SRGAP1: variants seen among roughly 807,000 people sequenced by gnomAD.
SRGAP1 encodes the protein SLIT-ROBO Rho GTPase-activating protein 1.
SRGAP1 carries 43 observed loss-of-function variants against 121.9 expected under a neutral mutation model. The observed-to-expected ratio is 0.35, with a 90% CI of 0.28 to 0.46. The LOEUF (loss-of-function observed/expected upper bound fraction) is 0.46. SRGAP1 is among the 20% of genes least tolerant of loss of function. The probability of loss-of-function intolerance (pLI) is 1.00; values close to 1 mark genes in which losing one functional copy is unlikely to be tolerated. For missense variants in SRGAP1, 1,102 were observed against 1,350.9 expected (o/e 0.82, Z 2.89); for synonymous variants, 447 against 485.4 (o/e 0.92, Z 1.04).
intron 18 of SRGAP1, 187 bp downstream of exon 18, chr12:64,116,080 T>G: frequency 1.9e-6 from 1 of 532,044 alleles, no homozygotes; most frequent in Non-Finnish European, 3.4e-6. Context: ...CATAGTGAGA[T>G]CCCATCTCTA....
intron 6 of SRGAP1, among the ~76,000 whole-genome samples, chr12:64,047,148 A>G (rs1462912565): frequency 6.6e-6 from 1 of 152,216 alleles, no homozygotes; most frequent in Non-Finnish European, 1.5e-5. Flanking sequence ...CTCAAATAAT[A>G]TAACTTAAGA....
At chr12:63,993,255 A>G (rs1178452505) in intron 3 of SRGAP1, among the ~76,000 whole-genome samples, 3 of 151,152 alleles carry the variant, frequency 2.0e-5, no homozygotes, top group Non-Finnish European at 4.4e-5. Context: ...TTTAATTTTT[A>G]CAATTAGAAC....
intron 4 of SRGAP1, among the ~76,000 whole-genome samples, chr12:64,021,075 A>G (rs1368169706): frequency 1.3e-5 from 2 of 152,176 alleles, no homozygotes; most frequent in Non-Finnish European, 2.9e-5. Context: ...TTGTCCTTAG[A>G]ATTCAAGATG....
rs1383253483 is a variant in SRGAP1 at position 64,091,806 on chromosome 12, T to C, written c.1539+428T>C. ...TGAGGAATTCATTATATTGAATGAA[T>C]TGTAAGACTATGATCTATACCTTGT... On this transcript the variant is annotated intron_variant, in intron 12 of 21. Transcript: ENST00000355086. The C allele has an allele frequency of 3.8e-5, 34 of 892,176 alleles. No homozygotes were observed. In the Middle Eastern group the frequency reaches 6.5e-4, roughly 17 times the overall value. 55.3% of individuals were successfully genotyped at this position (892,176 alleles called of 1,614,324 possible). A position where few individuals can be genotyped will look rare whatever the true frequency, so the allele number is the denominator to read the frequency against.
chr12:64,065,052 CAG>C, intron 7 of SRGAP1, 64 bp from the exon 8 acceptor site: 1 of 1,170,068 alleles, frequency 8.5e-7, no homozygotes, highest in Non-Finnish European at 1.2e-6. Context: ...ATTTAAATAA[CAG>C]AGCCGTGCTT....
chr12:63,886,860 C>T (rs921725198), intron 1 of SRGAP1, among the ~76,000 whole-genome samples: 2 of 151,942 alleles, frequency 1.3e-5, no homozygotes, highest in Admixed American at 6.6e-5. Context: ...AGACCCCCTC[C>T]AGAGGATTTA....
At chr12:63,949,170 AT>A (rs1373711598) in intron 1 of SRGAP1, among the ~76,000 whole-genome samples, 1 of 108,500 alleles carries the variant, frequency 9.2e-6, no homozygotes, top group African/African-American at 3.7e-5. Context: ...CCATATATAT[AT>A]TTTTTCCATA....
At chr12:63,949,217 C>CATAT (rs139958664) in intron 1 of SRGAP1, among the ~76,000 whole-genome samples, 34,287 of 117,606 alleles carry the variant, frequency 0.29, 6,689 homozygotes, top group East Asian at 0.54. Context: ...ATATTTTTTC[C>CATAT]ATATATATAT....
Position 64,158,200 on chromosome 12 carries a change from T to C in SRGAP1, c.*15528T>C, listed in dbSNP as rs2037179857. ...TGGTGCATAGTTAGTGCTCAAGAATTGTGCTATAATCAATGTTACTAAATT... is the reference window on the plus strand; with the variant it reads ...TGGTGCATAGTTAGTGCTCAAGAATCGTGCTATAATCAATGTTACTAAATT... On this transcript the variant is annotated 3_prime_UTR_variant, in exon 22 of 22. Coordinates refer to ENST00000355086, the MANE Select transcript of SRGAP1 (RefSeq NM_020762.4). 6.6e-6 allele frequency: 1 copy of C among 152,224 alleles called. No homozygotes were observed. Among genetic ancestry groups the C allele is most frequent in the Admixed American group, 6.5e-5 (1 of 15,284 alleles). The allele number at this position is 152,224 out of a possible 1,614,324, so 9.4% of individuals were successfully genotyped here. A position where few individuals can be genotyped will look rare whatever the true frequency, so the allele number is the denominator to read the frequency against.
chr12:63,972,195 C>G lies in SRGAP1; in HGVS notation c.68-11752C>G, dbSNP rs1286647976. On this transcript the variant is annotated intron_variant, in intron 1 of 21. Transcript: ENST00000355086. ...AGAGCAAGACCTTGTCTCGATTTTT[C>G]TTAAAAAGTCTCTAATAGAGGTATA... is the stretch of plus-strand genomic sequence containing the variant. Among the ~76,000 whole-genome samples the G allele has an allele frequency of 2.0e-5, 3 of 152,234 alleles. No homozygotes were observed. In the East Asian group the frequency reaches 5.8e-4, roughly 29 times the overall value.
intron 1 of SRGAP1, among the ~76,000 whole-genome samples, chr12:63,851,926 A>G (rs1044744188): frequency 1.3e-5 from 2 of 152,056 alleles, no homozygotes; most frequent in African/African-American, 2.4e-5. Context: ...TTGGCACATA[A>G]TAGTCAACAA....
chr12:64,006,411 C>G (rs2067491556), intron 3 of SRGAP1, among the ~76,000 whole-genome samples: 1 of 152,092 alleles, frequency 6.6e-6, no homozygotes, highest in Non-Finnish European at 1.5e-5. Flanking sequence ...AGGAGTGTAG[C>G]CTATGGCGTG....
chr12:64,159,803 T>G lies in SRGAP1; in HGVS notation c.*17131T>G, dbSNP rs918490673. 3 of 152,174 alleles carry G rather than the reference T, an allele frequency of 2.0e-5. No individual in the cohort carries two copies. Among genetic ancestry groups the G allele is most frequent in the Non-Finnish European group, 4.4e-5 (3 of 68,042 alleles). 9.4% of individuals were successfully genotyped at this position (152,174 alleles called of 1,614,324 possible). On this transcript the variant is annotated 3_prime_UTR_variant, in exon 22 of 22. Transcript: ENST00000355086. ...ATGGAGGATGGTCATCCTGGAGAAT[T>G]GTTTGGACTCGAGTGGACTCTACAA...
At chr12:63,908,682 A>T (rs1449834934) in intron 1 of SRGAP1, among the ~76,000 whole-genome samples, 1 of 152,038 alleles carries the variant, frequency 6.6e-6, no homozygotes, top group African/African-American at 2.4e-5. Flanking sequence ...GAGCCACTGT[A>T]CCCAGCTGTT....
rs57230527 is a variant in SRGAP1, at chr12:63,954,688, A to AAAAAAAGAAAAG, written c.68-29255_68-29254insAAGAAAAGAAAA. On this transcript the variant is annotated intron_variant, in intron 1 of 21. Coordinates refer to ENST00000355086, the MANE Select transcript of SRGAP1 (RefSeq NM_020762.4). Reference sequence around the variant, plus strand: ...GCGAGACTCCATCTCAAAAAAAAAAAAAAAGAAAAGAAAAAGCAGTGTGAG... The same window carrying AAAAAAAGAAAAG: ...GCGAGACTCCATCTCAAAAAAAAAAAAAAAAAGAAAAGAAAAGAAAAGAAAAAGCAGTGTGAG... 5.1e-4 allele frequency among the ~76,000 whole-genome samples: 67 copies of AAAAAAAGAAAAG among 130,292 alleles called. 1 individual carries two copies. The East Asian group carries it at 6.2e-3, about 12-fold the overall frequency. 85.5% of individuals were successfully genotyped at this position (130,292 alleles called of 152,430 possible).
intron 1 of SRGAP1, among the ~76,000 whole-genome samples, chr12:63,900,890 A>G (rs1020236657): frequency 2.0e-5 from 3 of 152,210 alleles, no homozygotes; most frequent in Non-Finnish European, 4.4e-5. Context: ...TGTATGCTAA[A>G]GAAAAGGTTT....
chr12:63,948,827 T>C (rs940383471), intron 1 of SRGAP1, among the ~76,000 whole-genome samples: 26 of 140,114 alleles, frequency 1.9e-4, no homozygotes, highest in Non-Finnish European at 3.7e-4. Flanking sequence ...ATGTTTTCCA[T>C]ATATATATTC....
Position 63,865,007 on chromosome 12 carries a change from T to G in SRGAP1, c.67+20124T>G, listed in dbSNP as rs541262778. On this transcript the variant is annotated intron_variant, in intron 1 of 21. Transcript: ENST00000355086. ...TCCCCTTTCCAAAGATAACTACTCT[T>G]AATGGTTCAGAGTATTACATTGGTG... 2.0e-5 allele frequency among the ~76,000 whole-genome samples: 3 copies of G among 152,308 alleles called. No individual in the cohort carries two copies. The South Asian group carries it at 6.2e-4, about 32-fold the overall frequency.
chr12:64,100,216 A>G (rs187869119), intron 15 of SRGAP1, among the ~76,000 whole-genome samples: 130 of 152,300 alleles, frequency 8.5e-4, no homozygotes, highest in African/African-American at 2.4e-3. Flanking sequence ...CCACTTATCA[A>G]TCTGTCTGTT....
Sources: allele counts gnomAD v4.1 joint callset (sites outside exome capture counted in the v4.1 genomes callset), GRCh38; gene constraint gnomAD v4.1.1; transcripts MANE v1.5; gene names NCBI Gene and HGNC (gene_info 2026-07-23, HGNC 2026-07-21).